NUBP1: variants seen among roughly 807,000 people sequenced by gnomAD.
The protein encoded by NUBP1 is NUBP iron-sulfur cluster assembly factor 1, cytosolic, also known as cytosolic Fe-S cluster assembly factor NUBP1.
A neutral mutation model predicts 41.8 loss-of-function variants in NUBP1; 46 were observed. The observed-to-expected ratio is 1.10, with a 90% CI of 0.87 to 1.41. The LOEUF is 1.41. NUBP1 is among the 40% of genes most tolerant of loss of function. The pLI, the probability that NUBP1 is intolerant of heterozygous loss-of-function variation, is 0.00. For missense variants in NUBP1, 494 were observed against 414.0 expected (o/e 1.19, Z -1.68); for synonymous variants, 189 against 154.6 (o/e 1.22, Z -1.65).
In NUBP1 at chr16:10,756,742, CTGA is replaced by C; in HGVS notation, c.419_421del (p.Asp140del). On this transcript the variant is annotated inframe_deletion, in exon 6 of 11. Coordinates refer to ENST00000283027, the MANE Select transcript of NUBP1 (RefSeq NM_002484.4). ...TCAGTGGGCTTCCTGCTCAGCAGTC[CTGA>C]TGATGCTGTTATCTGGAGGGGACCC... 6.3e-7 allele frequency: 1 copy of C among 1,588,536 alleles called. No homozygotes were observed. Among genetic ancestry groups the C allele is most frequent in the Non-Finnish European group, 8.5e-7 (1 of 1,170,432 alleles).
chr16:10,743,903 T>C (rs1241945729), intron 1 of NUBP1, 21 bp downstream of exon 1: 3 of 1,572,026 alleles, frequency 1.9e-6, no homozygotes, highest in Non-Finnish European at 2.6e-6. Flanking sequence ...GGAGGGGGCG[T>C]GGGTCGCGGG....
In NUBP1 at chr16:10,766,948, A is replaced by T. The variant is rs1057090929; in HGVS notation, c.821-1001A>T. 4.0e-5 allele frequency: 16 copies of T among 398,514 alleles called. No homozygotes were observed. Among genetic ancestry groups the T allele is most frequent in the Non-Finnish European group, 6.6e-5 (15 of 226,110 alleles). The allele number at this position is 398,514 out of a possible 1,614,324, so 24.7% of individuals were successfully genotyped here. On this transcript the variant is annotated intron_variant, in intron 9 of 10. Coordinates refer to ENST00000283027, the MANE Select transcript of NUBP1 (RefSeq NM_002484.4). The surrounding 1 kb of genome is among the most constrained non-coding windows in gnomAD (Gnocchi z 4.8). ...CCTCTGGACCCTATTTTCCTGACTC[A>T]CTGGGCCATATGGGCTCCCCATCTC...
Position 10,761,441 on chromosome 16 carries a change from G to A in NUBP1, c.684G>A (p.Glu228=). The part of the protein sequence containing the change: ...KVKLPIIGVV[E]NMSGFICPKC... The stretch of plus-strand genomic sequence containing the variant: ...AGCTGCCCATCATCGGGGTGGTGGA[G>A]AACATGAGTGGCTTCATCTGTCCTA... The change falls in exon 8 of 11, where the codon GAG becomes GAA. Residue 228 remains glutamate, a synonymous_variant. Coordinates refer to ENST00000283027, the MANE Select transcript of NUBP1 (RefSeq NM_002484.4). 1 of 1,614,128 alleles carries A rather than the reference G, an allele frequency of 6.2e-7. No homozygotes were observed. The highest frequency in any genetic ancestry group is 8.5e-7 in the Non-Finnish European group (1 of 1,179,984).
intron 4 of NUBP1, among the ~76,000 whole-genome samples, chr16:10,753,209 T>C (rs1246249750): frequency 6.6e-6 from 1 of 152,150 alleles, no homozygotes; most frequent in Admixed American, 6.5e-5. Flanking sequence ...ATGAAGTCTG[T>C]CTACACCATT....
Position 10,757,857 on chromosome 16 carries a change from G to T in NUBP1, c.452-16G>T. Reference sequence around the variant, plus strand: ...GAAAGGAAAAGTAAGCATCCCCTGTGGATTCCTCTTTCTAGGCATGATCAA... The same window carrying T: ...GAAAGGAAAAGTAAGCATCCCCTGTTGATTCCTCTTTCTAGGCATGATCAA... On this transcript the variant is annotated splice_polypyrimidine_tract_variant and intron_variant, in intron 6 of 10. Transcript: ENST00000283027. This position sits in a 1 kb window ranked among gnomAD's most constrained non-coding sequence, Gnocchi z 4.1. The T allele has an allele frequency of 2.5e-6, 4 of 1,608,446 alleles. No homozygotes were observed. Among genetic ancestry groups the T allele is most frequent in the Non-Finnish European group, 3.4e-6 (4 of 1,175,292 alleles).
Position 10,769,327 on chromosome 16 carries a change from T to G in NUBP1, c.*222T>G. ...GGCATTCTCTACAAATGTGCCGTTT[T>G]AAGAATAAAACCCCCTCAAATCTCT... is the stretch of plus-strand genomic sequence containing the variant. On this transcript the variant is annotated 3_prime_UTR_variant, in exon 11 of 11. Transcript: ENST00000283027. 1 of 475,814 alleles carries G rather than the reference T, an allele frequency of 2.1e-6. No individual in the cohort carries two copies. Among genetic ancestry groups the G allele is most frequent in the Non-Finnish European group, 3.7e-6 (1 of 270,542 alleles). The allele number at this position is 475,814 out of a possible 1,614,324, so 29.5% of individuals were successfully genotyped here.
Position 10,757,945 on chromosome 16 carries a change from G to A in NUBP1, c.524G>A (p.Gly175Glu). The A allele has an allele frequency of 6.2e-7, 1 of 1,614,082 alleles. No individual in the cohort carries two copies. Among genetic ancestry groups the A allele is most frequent in the Non-Finnish European group, 8.5e-7 (1 of 1,180,022 alleles). ...TACCTCATTGTGGACACCCCACCTG[G>A]GACGTCGGATGAACACCTCTCGGTC... Reference protein sequence around the residue: ...VDYLIVDTPPGTSDEHLSVVR... With the variant: ...VDYLIVDTPPETSDEHLSVVR... The change falls in exon 7 of 11, where the codon GGG becomes GAG. Residue 175 changes from glycine to glutamate, a missense_variant. By Grantham distance (98) the Gly-to-Glu change is moderately conservative (BLOSUM62 -2). Transcript: ENST00000283027. This position sits in a 1 kb window ranked among gnomAD's most constrained non-coding sequence, Gnocchi z 4.1.
rs544439806 is a variant in NUBP1, at chr16:10,758,787, G to A, written c.606+760G>A. On this transcript the variant is annotated intron_variant, in intron 7 of 10. Coordinates refer to ENST00000283027, the MANE Select transcript of NUBP1 (RefSeq NM_002484.4). ...CCAGCTGGGTGCAGATAGGGATTTC[G>A]GGATAAGCCACTGGGTGCCTTCGCT... is the stretch of plus-strand genomic sequence containing the variant. 1.1e-4 allele frequency among the ~76,000 whole-genome samples: 16 copies of A among 152,238 alleles called. 1 individual carries two copies. The South Asian group carries it at 3.1e-3, about 30-fold the overall frequency.
intron 8 of NUBP1, 24 bp from the exon 9 acceptor site, chr16:10,761,733 C>T (rs752822396): frequency 2.5e-6 from 4 of 1,577,660 alleles, no homozygotes; most frequent in African/African-American, 1.4e-5. Context: ...ATTATGTTTC[C>T]TCCCCTTTGA....
chr16:10,761,751 T>C lies in NUBP1; in HGVS notation c.718-6T>C, dbSNP rs1466015747. 6.2e-7 allele frequency: 1 copy of C among 1,611,214 alleles called. No individual in the cohort carries two copies. On this transcript the variant is annotated splice_polypyrimidine_tract_variant and splice_region_variant and intron_variant, in intron 8 of 10. Coordinates refer to ENST00000283027, the MANE Select transcript of NUBP1 (RefSeq NM_002484.4). ...ATGTTTCCTCCCCTTTGAATTTGCC[T>C]TGCAGAAAGAATCTCAGATATTCCC...
intron 2 of NUBP1, among the ~76,000 whole-genome samples, chr16:10,745,442 GA>G (rs1900015526): frequency 6.6e-6 from 1 of 151,934 alleles, no homozygotes; most frequent in South Asian, 2.1e-4. Flanking sequence ...GTGACAGAGT[GA>G]GACCCTGTCT....
intron 4 of NUBP1, among the ~76,000 whole-genome samples, chr16:10,753,176 G>A (rs531730617): frequency 1.3e-5 from 2 of 152,316 alleles, no homozygotes; most frequent in East Asian, 1.9e-4. Flanking sequence ...GTGAGTCTTG[G>A]CGGGGGAGGG....
At position 10,766,749 on chromosome 16, in the gene NUBP1, T is replaced by A. The variant is rs573492417; in HGVS notation, c.821-1200T>A. The A allele has an allele frequency of 1.0e-4, 41 of 395,334 alleles. No homozygotes were observed. The highest frequency in any genetic ancestry group is 7.5e-4 in the Admixed American group (17 of 22,634). The allele number at this position is 395,334 out of a possible 1,614,324, so 24.5% of individuals were successfully genotyped here. The stretch of plus-strand genomic sequence containing the variant: ...TGTGGGAGGAGAACGGGCCTGAGAA[T>A]AGGGGCTCAAAGGCCCCATTACAGA... On this transcript the variant is annotated intron_variant, in intron 9 of 10. Transcript: ENST00000283027. This position sits in a 1 kb window ranked among gnomAD's most constrained non-coding sequence, Gnocchi z 4.8.
chr16:10,763,137 T>G (rs889652278), intron 9 of NUBP1, among the ~76,000 whole-genome samples: 2 of 148,640 alleles, frequency 1.3e-5, no homozygotes, highest in Non-Finnish European at 3.0e-5. Context: ...GAAGCAGGGG[T>G]GGTAGAGGGA....
At chr16:10,754,496 G>A (rs577163701) in intron 4 of NUBP1, among the ~76,000 whole-genome samples, 77 of 152,052 alleles carry the variant, frequency 5.1e-4, no homozygotes, top group African/African-American at 1.8e-3. Flanking sequence ...TCCCGCCTCA[G>A]CCTCCCGCAG....
intron 4 of NUBP1, among the ~76,000 whole-genome samples, chr16:10,753,468 T>C: frequency 6.6e-6 from 1 of 152,026 alleles, no homozygotes; most frequent in East Asian, 1.9e-4. Context: ...GGCCTCTTCT[T>C]GCTAGCAAGA....
rs1286455648 is a variant in NUBP1, at chr16:10,757,757, G to C, written c.452-116G>C. 3.0e-6 allele frequency: 4 copies of C among 1,340,126 alleles called. No homozygotes were observed. The East Asian group carries it at 9.4e-5, about 31-fold the overall frequency. 83.0% of individuals were successfully genotyped at this position (1,340,126 alleles called of 1,614,324 possible). ...GTGGGAGGATTGCTTGAGCCTCAGA[G>C]TTAAGAGCCAACCTGGGCAACATAG... On this transcript the variant is annotated intron_variant, in intron 6 of 10. Coordinates refer to ENST00000283027, the MANE Select transcript of NUBP1 (RefSeq NM_002484.4). This position sits in a 1 kb window ranked among gnomAD's most constrained non-coding sequence, Gnocchi z 4.1.
intron 5 of NUBP1, 129 bp downstream of exon 5, chr16:10,755,882 C>G (rs1027486639): frequency 3.7e-6 from 3 of 817,488 alleles, no homozygotes; most frequent in Admixed American, 4.9e-5. Context: ...GTGATTAAAA[C>G]CAGTGATTGG....
At position 10,768,068 on chromosome 16, in the gene NUBP1, G is replaced by T; in HGVS notation, c.904+36G>T. On this transcript the variant is annotated intron_variant, in intron 10 of 10. Coordinates refer to ENST00000283027, the MANE Select transcript of NUBP1 (RefSeq NM_002484.4). This position sits in a 1 kb window ranked among gnomAD's most constrained non-coding sequence, Gnocchi z 4.3. ...CCATGAGTACTAAATGCAGATGCCT[G>T]TGGGGCAGGAAGCAACATAAAGGAG... 1 of 1,596,514 alleles carries T rather than the reference G, an allele frequency of 6.3e-7. No individual in the cohort carries two copies. Among genetic ancestry groups the T allele is most frequent in the South Asian group, 1.1e-5 (1 of 90,738 alleles).
Sources: gnomAD v4.1 joint callset for allele counts (sites outside exome capture counted in the v4.1 genomes callset) on GRCh38, gnomAD v4.1.1 for gene constraint, Gnocchi (gnomAD v3.1) non-coding constraint, MANE v1.5 for transcripts, NCBI Gene and HGNC (gene_info 2026-07-23, HGNC 2026-07-21) for gene names.